Variants in AHNAK observed in about 807,000 individuals in gnomAD.
AHNAK encodes the protein neuroblast differentiation-associated protein AHNAK.
Under a neutral mutation model 37.8 loss-of-function variants are expected in AHNAK, and 23 were observed. The ratio of observed to expected loss-of-function variants is 0.61; its 90% confidence interval spans 0.44 to 0.86. The LOEUF is 0.86. AHNAK is among the 40% of genes least tolerant of loss of function. The probability of loss-of-function intolerance (pLI) is 0.00; values close to 1 mark genes in which losing one functional copy is unlikely to be tolerated. For synonymous variants in AHNAK, 2,481 were observed against 2,636.3 expected, an observed-to-expected ratio of 0.94 and a Z score of 1.80; for missense variants, 7,411 against 7,319.4, an observed-to-expected ratio of 1.01 and a Z score of -0.46.
Position 62,518,738 on chromosome 11 carries a change from G to A in AHNAK, c.15679C>T (p.Pro5227Ser). 1.2e-6 allele frequency: 2 copies of A among 1,614,116 alleles called. No homozygotes were observed. The highest frequency in any genetic ancestry group is 1.7e-6 in the Non-Finnish European group (2 of 1,180,016). The change falls in exon 5 of 5, where the codon CCA becomes TCA. Residue 5227 changes from proline (P) to serine (S), a missense_variant. Pro to Ser is a moderately conservative substitution (Grantham distance 74, BLOSUM62 -1). Transcript: ENST00000378024. ...LEGPDVDLQGPEAKIKFPKFS... is the reference protein window; with the variant it reads ...LEGPDVDLQGSEAKIKFPKFS... ...TTGGGGAACTTAATTTTTGCTTCTGGACCTTGCAGATCTACATCTGGTCCT... is the reference window on the plus strand; with the variant it reads ...TTGGGGAACTTAATTTTTGCTTCTGAACCTTGCAGATCTACATCTGGTCCT...
intron 5 of AHNAK, among the ~76,000 whole-genome samples, chr11:62,435,370 G>A (rs1381591407): frequency 6.6e-6 from 1 of 152,122 alleles, no homozygotes; most frequent in African/African-American, 2.4e-5. Flanking sequence ...AGGCTTGGAA[G>A]GAATTAGGCA....
intron 4 of AHNAK, among the ~76,000 whole-genome samples, chr11:62,509,328 G>A (rs1399213573): frequency 6.6e-6 from 1 of 152,158 alleles, no homozygotes; most frequent in Non-Finnish European, 1.5e-5. Flanking sequence ...AGCACTTTGG[G>A]AGGCCAAGGT....
At chr11:62,447,269 A>G (rs1263072261) in intron 5 of AHNAK, among the ~76,000 whole-genome samples, 2 of 152,124 alleles carry the variant, frequency 1.3e-5, no homozygotes, top group African/African-American at 4.8e-5. Context: ...CAAGGACAGG[A>G]AAGAGATTTT....
intron 5 of AHNAK, among the ~76,000 whole-genome samples, chr11:62,465,617 TA>T (rs1340160013): frequency 1.3e-5 from 2 of 151,202 alleles, no homozygotes; most frequent in African/African-American, 4.8e-5. Flanking sequence ...CGTCTCAAAA[TA>T]AATAAATAAA....
intron 5 of AHNAK, among the ~76,000 whole-genome samples, chr11:62,465,233 C>G (rs180801144): frequency 5.7e-4 from 87 of 152,216 alleles, no homozygotes; most frequent in African/African-American, 2.1e-3. Context: ...TCTGTCCCCC[C>G]CTCGAAAGAT....
chr11:62,479,648 T>G (rs1939225120), intron 5 of AHNAK, among the ~76,000 whole-genome samples: 1 of 152,114 alleles, frequency 6.6e-6, no homozygotes, highest in African/African-American at 2.4e-5. Flanking sequence ...TAAGAACCTG[T>G]CACCATGCAG....
At position 62,532,706 on chromosome 11, in the gene AHNAK, T is replaced by C. The variant is rs1443632953; in HGVS notation, c.1711A>G (p.Met571Val). 1 of 1,613,824 alleles carries C rather than the reference T, an allele frequency of 6.2e-7. No homozygotes were observed. Among genetic ancestry groups the C allele is most frequent in the South Asian group, 1.1e-5 (1 of 91,066 alleles). The change falls in exon 5 of 5, where the codon ATG becomes GTG. Residue 571 changes from methionine to valine, a missense_variant. Physicochemically the swap from Met to Val is conservative, Grantham distance 21. Coordinates refer to ENST00000378024, the MANE Select transcript of AHNAK (RefSeq NM_001620.3). The part of the protein sequence containing the change: ...SGKTGTCRIS[M>V]SEVDLNVAAP... ...GCCACATTTAAGTCTACTTCTGACA[T>C]AGAGATCCTACAGGTTCCGGTTTTC...
intron 4 of AHNAK, among the ~76,000 whole-genome samples, chr11:62,494,978 C>T (rs1396947269): frequency 7.0e-6 from 1 of 142,980 alleles, no homozygotes; most frequent in African/African-American, 2.7e-5. Flanking sequence ...CCAATCTGGG[C>T]AACAAGAATG....
In AHNAK at chr11:62,517,004, C is replaced by G. The variant is rs760884149; in HGVS notation, c.17413G>C (p.Glu5805Gln). 29 of 1,614,124 alleles carry G rather than the reference C, an allele frequency of 1.8e-5. No individual in the cohort carries two copies. The East Asian group carries it at 6.5e-4, about 36-fold the overall frequency. ...ACTTTCCCACCTTCCAGAGACACTT[C>G]CCCACCTTCAAACTCCAGCGTCCCC... Reference protein sequence around the residue: ...PTGTLEFEGGEVSLEGGKVKG... With the variant: ...PTGTLEFEGGQVSLEGGKVKG... Residue 5805 changes from glutamate to glutamine, a missense_variant, in exon 5 of 5, where the codon GAA becomes CAA. Transcript: ENST00000378024.
chr11:62,534,146 A>G (rs1940869175), intron 4 of AHNAK, 72 bp from the exon 5 acceptor site: 6 of 1,448,132 alleles, frequency 4.1e-6, no homozygotes, highest in Non-Finnish European at 5.5e-6. Flanking sequence ...GCCACAGCCC[A>G]GCCGACAACA....
At position 62,521,939 on chromosome 11, in the gene AHNAK, C is replaced by A. The variant is rs377443640; in HGVS notation, c.12478G>T (p.Gly4160Cys). The A allele has an allele frequency of 2.5e-6, 4 of 1,612,846 alleles. No homozygotes were observed. The highest frequency in any genetic ancestry group is 3.4e-6 in the Non-Finnish European group (4 of 1,179,768). Residue 4160 changes from glycine to cysteine, a missense_variant, in exon 5 of 5, where the codon GGC becomes TGC. By Grantham distance (159) the Gly-to-Cys change is radical. Coordinates refer to ENST00000378024, the MANE Select transcript of AHNAK (RefSeq NM_001620.3). ...SLPKVEGDLKGPEVDIKGPKV... is the reference protein window; with the variant it reads ...SLPKVEGDLKCPEVDIKGPKV... ...GGGCCCTTGATGTCAACTTCAGGGC[C>A]CTTGAGGTCGCCTTCCACTTTGGGC...
intron 1 of AHNAK, among the ~76,000 whole-genome samples, chr11:62,538,430 C>T (rs1175033197): frequency 6.6e-6 from 1 of 152,240 alleles, no homozygotes; most frequent in Non-Finnish European, 1.5e-5. Context: ...GGGCCACGGA[C>T]TACAGCCACA....
rs1159017078 is a variant in AHNAK at position 62,520,391 on chromosome 11, G to A, written c.14026C>T (p.Leu4676=). The A allele has an allele frequency of 6.2e-7, 1 of 1,613,230 alleles. No homozygotes were observed. The highest frequency in any genetic ancestry group is 1.7e-5 in the Admixed American group (1 of 59,910). ...KGEGPDVDVN[L]PKADIDVSGP... ...GAGACATCAATGTCAGCCTTGGGCA[G>A]GTTCACATCCACATCTGGGCCCTCT... is the stretch of plus-strand genomic sequence containing the variant. Residue 4676 remains leucine (L), a synonymous_variant, in exon 5 of 5, where the codon CTG becomes TTG. Transcript: ENST00000378024.
At position 62,529,190 on chromosome 11, in the gene AHNAK, CATCAAT is replaced by C. The variant is rs760117913; in HGVS notation, c.5221_5226del (p.Ile1741_Asp1742del). On this transcript the variant is annotated inframe_deletion, in exon 5 of 5. Transcript: ENST00000378024. ...TCAGTGTCCACACTGGGTCCAGACA[CATCAAT>C]GTCAGCCTTTGGCAGATTCACATCC... 1 of 1,614,234 alleles carries C rather than the reference CATCAAT, an allele frequency of 6.2e-7. No homozygotes were observed. Among genetic ancestry groups the C allele is most frequent in the Admixed American group, 1.7e-5 (1 of 60,024 alleles).
Position 62,520,217 on chromosome 11 carries a change from T to G in AHNAK, c.14200A>C (p.Lys4734Gln). Residue 4734 changes from lysine to glutamine, a missense_variant, in exon 5 of 5, where the codon AAA (lysine) becomes CAA (glutamine). By Grantham distance (53) the Lys-to-Gln change is moderately conservative. Transcript: ENST00000378024. ...PDIDLNLKGP[K>Q]VKGDVDVTLP... ...GTAACATCCACATCGCCCTTCACTT[T>G]GGGTCCTTTCAGGTTTAAGTCAATA... 1 of 1,613,278 alleles carries G rather than the reference T, an allele frequency of 6.2e-7. No individual in the cohort carries two copies. Among genetic ancestry groups the G allele is most frequent in the Non-Finnish European group, 8.5e-7 (1 of 1,179,886 alleles).
chr11:62,439,089 ATTTTTTT>A (rs11374757), intron 5 of AHNAK, among the ~76,000 whole-genome samples: 3 of 92,900 alleles, frequency 3.2e-5, no homozygotes, highest in Admixed American at 1.5e-4. Context: ...CAGTTTCCCT[ATTTTTTT>A]TTTTTTTTTT....
intron 5 of AHNAK, among the ~76,000 whole-genome samples, chr11:62,461,878 C>T (rs913774304): frequency 1.3e-5 from 2 of 148,716 alleles, no homozygotes; most frequent in African/African-American, 5.0e-5. Flanking sequence ...AAAATGGGAA[C>T]AATCTTCCAG....
chr11:62,514,346 T>C (rs576698732), downstream of AHNAK, among the ~76,000 whole-genome samples: 164 of 152,288 alleles, frequency 1.1e-3, no homozygotes, highest in African/African-American at 3.8e-3. Context: ...GGTTTTGAGC[T>C]GTGGTTGGTT....
At chr11:62,512,860 A>AAGGAAGGAAGGG (rs1363249457), downstream of AHNAK, among the ~76,000 whole-genome samples, 48 of 136,476 alleles carry the variant, frequency 3.5e-4, no homozygotes, top group South Asian at 0.013. The surrounding 1 kb of genome is among the most constrained non-coding windows in gnomAD (Gnocchi z 4.0). Flanking sequence ...TGTTAGGAAG[A>AAGGAAGGAAGGG]AGGAAGGAAG....
Sources: allele counts gnomAD v4.1 joint callset (sites outside exome capture counted in the v4.1 genomes callset), GRCh38; gene constraint gnomAD v4.1.1; non-coding constraint Gnocchi (gnomAD v3.1); transcripts MANE v1.5; gene names NCBI Gene and HGNC (gene_info 2026-07-23, HGNC 2026-07-21).